Variants in SLC60A1 observed in about 807,000 individuals in gnomAD.
SLC60A1 encodes the protein solute carrier family 60 member 1.
At chr1:205,600,286 C>A in the SLC60A1 span, 1 of 991,640 alleles carries the variant, frequency 1.0e-6, no homozygotes, top group Non-Finnish European at 1.5e-6. Flanking sequence ...TCACTTTGCT[C>A]CCTCTAGAGC....
the SLC60A1 span, chr1:205,601,537 CACTAAG>C: frequency 6.6e-6 from 1 of 152,186 alleles, no homozygotes; most frequent in African/African-American, 2.4e-5. Flanking sequence ...ATAGAAACAG[CACTAAG>C]ACTTTCTGAA....
At chr1:205,598,074 A>G in the SLC60A1 span, 48 of 497,106 alleles carry the variant, frequency 9.7e-5, no homozygotes, top group Middle Eastern at 1.1e-3. Flanking sequence ...GATGCATGGA[A>G]AAGTCCAAAG....
At chr1:205,581,744 G>A in the SLC60A1 span, among the ~76,000 whole-genome samples, 1 of 152,224 alleles carries the variant, frequency 6.6e-6, no homozygotes. This position sits in a 1 kb window ranked among gnomAD's most constrained non-coding sequence, Gnocchi z 4.2. Context: ...CTTTGCAGTA[G>A]GTGGACTTCT....
chr1:205,580,121 C>T, the SLC60A1 span, among the ~76,000 whole-genome samples: 2 of 152,216 alleles, frequency 1.3e-5, no homozygotes, highest in African/African-American at 4.8e-5. The surrounding 1 kb of genome is among the most constrained non-coding windows in gnomAD (Gnocchi z 5.0). Flanking sequence ...CCTGCCCTCA[C>T]TGCAGGGTGT....
the SLC60A1 span, chr1:205,600,334 C>A: frequency 6.7e-7 from 1 of 1,493,990 alleles, no homozygotes; most frequent in South Asian, 1.2e-5. Context: ...TGGGTAAGCT[C>A]TCAGAATGAA....
chr1:205,572,320 C>T, the SLC60A1 span, among the ~76,000 whole-genome samples: 4 of 152,102 alleles, frequency 2.6e-5, no homozygotes. Context: ...TCGAAGGCGT[C>T]AGCATAGGTA....
At chr1:205,597,373 GTTTTTTTTTTTT>G in the SLC60A1 span, among the ~76,000 whole-genome samples, 6 of 37,246 alleles carry the variant, frequency 1.6e-4, no homozygotes, top group East Asian at 9.2e-4. Context: ...AACCTAGGTT[GTTTTTTTTTTTT>G]TTTTTTTTTT....
chr1:205,584,420 C>T, the SLC60A1 span, among the ~76,000 whole-genome samples: 6 of 151,424 alleles, frequency 4.0e-5, no homozygotes, highest in Non-Finnish European at 8.8e-5. Context: ...GAAGGGGTTT[C>T]GCCACGTTGG....
the SLC60A1 span, among the ~76,000 whole-genome samples, chr1:205,573,150 C>T: frequency 4.1e-4 from 62 of 152,288 alleles, no homozygotes; most frequent in Non-Finnish European, 7.9e-4. Flanking sequence ...TTGGCTCACT[C>T]CTATGATCCC....
chr1:205,591,491 A>T, the SLC60A1 span, among the ~76,000 whole-genome samples: 2 of 133,862 alleles, frequency 1.5e-5, no homozygotes, highest in Middle Eastern at 4.0e-3. Context: ...CTCAAAAAAA[A>T]AAAAAAAAAA....
At chr1:205,581,488 C>T in the SLC60A1 span, among the ~76,000 whole-genome samples, 1 of 152,246 alleles carries the variant, frequency 6.6e-6, no homozygotes, top group African/African-American at 2.4e-5. This position sits in a 1 kb window ranked among gnomAD's most constrained non-coding sequence, Gnocchi z 4.2. Flanking sequence ...TGACTCTGGC[C>T]TCCAGCTGGA....
At chr1:205,586,146 G>A in the SLC60A1 span, 21 of 1,613,656 alleles carry the variant, frequency 1.3e-5, no homozygotes, top group Non-Finnish European at 1.5e-5. Flanking sequence ...ACACTGGGCC[G>A]GCTCCTCTCC....
chr1:205,594,178 TAAC>T, the SLC60A1 span, among the ~76,000 whole-genome samples: 1 of 152,118 alleles, frequency 6.6e-6, no homozygotes, highest in East Asian at 1.9e-4. Context: ...CAGCTTGTCC[TAAC>T]AACAGGACAG....
At chr1:205,573,400 CAA>C in the SLC60A1 span, among the ~76,000 whole-genome samples, 1 of 150,236 alleles carries the variant, frequency 6.7e-6, no homozygotes, top group African/African-American at 2.4e-5. Context: ...GCTTGGGTGA[CAA>C]GAGCGAAACT....
chr1:205,573,066 C>A, the SLC60A1 span, among the ~76,000 whole-genome samples: 1 of 152,076 alleles, frequency 6.6e-6, no homozygotes, highest in Non-Finnish European at 1.5e-5. Flanking sequence ...AGTTCAAAGA[C>A]AACCTGGGCA....
At chr1:205,570,427 C>T in the SLC60A1 span, among the ~76,000 whole-genome samples, 3 of 152,100 alleles carry the variant, frequency 2.0e-5, no homozygotes, top group African/African-American at 4.8e-5. Flanking sequence ...CTGGAGGGGC[C>T]GTTCTGGGCT....
At chr1:205,581,955 G>A in the SLC60A1 span, among the ~76,000 whole-genome samples, 2 of 152,212 alleles carry the variant, frequency 1.3e-5, no homozygotes, top group Non-Finnish European at 2.9e-5. The surrounding 1 kb of genome is among the most constrained non-coding windows in gnomAD (Gnocchi z 4.2). Context: ...GGCTGAGCCC[G>A]GCTGGAAGCC....
At chr1:205,582,284 A>C in the SLC60A1 span, among the ~76,000 whole-genome samples, 1 of 152,218 alleles carries the variant, frequency 6.6e-6, no homozygotes, top group Non-Finnish European at 1.5e-5. Context: ...TGCCCCATGA[A>C]GTGCAGGCTG....
chr1:205,581,090 C>T, the SLC60A1 span, among the ~76,000 whole-genome samples: 1 of 152,206 alleles, frequency 6.6e-6, no homozygotes, highest in African/African-American at 2.4e-5. The surrounding 1 kb of genome is among the most constrained non-coding windows in gnomAD (Gnocchi z 4.2). Context: ...GGATCCCCTG[C>T]ACTACTCCAC....
Sources: gnomAD v4.1 joint callset for allele counts (sites outside exome capture counted in the v4.1 genomes callset) on GRCh38, gnomAD v4.1.1 for gene constraint, Gnocchi (gnomAD v3.1) non-coding constraint, MANE v1.5 for transcripts, NCBI Gene and HGNC (gene_info 2026-07-23, HGNC 2026-07-21) for gene names.